The following CRACD variants were observed in gnomAD, a reference collection of about 807,000 sequenced individuals.
The protein encoded by CRACD is capping protein inhibiting regulator of actin dynamics.
CRACD carries 56 observed loss-of-function variants against 106.8 expected under a neutral mutation model. The ratio of observed to expected loss-of-function variants is 0.52; its 90% CI spans 0.42 to 0.66. CRACD has a LOEUF of 0.66. CRACD is among the 30% of genes least tolerant of loss of function. CRACD has a pLI of 0.00. For missense variants in CRACD, 1,730 were observed against 1,623.2 expected (o/e 1.07, Z -1.13); for synonymous variants, 754 against 670.8 (o/e 1.12, Z -1.92).
Position 56,309,945 on chromosome 4 carries a change from G to A in CRACD, c.286-721G>A, listed in dbSNP as rs191280198. Among the ~76,000 whole-genome samples, 421 of 151,872 alleles carry A rather than the reference G, an allele frequency of 2.8e-3. 4 individuals are homozygous for A. Among genetic ancestry groups the A allele is most frequent in the African/African-American group, 9.7e-3 (401 of 41,420 alleles). The stretch of plus-strand genomic sequence containing the variant: ...CCTGAGTGGCTGAGGCTTGAGCCCA[G>A]GAGTTCTAGGCTACAGTGAGCTGTG... On this transcript the variant is annotated intron_variant, in intron 5 of 10. Coordinates refer to ENST00000682029, the MANE Select transcript of CRACD (RefSeq NM_001393381.1).
chr4:56,179,951 A>G (rs1736743008), intron 2 of CRACD, among the ~76,000 whole-genome samples: 1 of 152,014 alleles, frequency 6.6e-6, no homozygotes, highest in South Asian at 2.1e-4. Flanking sequence ...CAGGAGGCAG[A>G]AGTTGCAGTG....
chr4:56,204,583 A>C (rs1056179802), intron 2 of CRACD, among the ~76,000 whole-genome samples: 2 of 152,252 alleles, frequency 1.3e-5, no homozygotes, highest in African/African-American at 4.8e-5. Flanking sequence ...CCCACCTCTT[A>C]ATGCCATCAC....
chr4:56,232,860 G>T (rs1004004695), intron 2 of CRACD, among the ~76,000 whole-genome samples: 1 of 151,956 alleles, frequency 6.6e-6, no homozygotes, highest in Non-Finnish European at 1.5e-5. Flanking sequence ...AAGTAGTTGG[G>T]ATTACAGGTG....
At chr4:56,268,652 C>G (rs187439254) in intron 2 of CRACD, among the ~76,000 whole-genome samples, 2 of 152,268 alleles carry the variant, frequency 1.3e-5, no homozygotes, top group Non-Finnish European at 2.9e-5. Flanking sequence ...ATATTTTCAG[C>G]CTTGGACAGT....
chr4:56,188,684 T>TCACACACACACA (rs755350704), intron 2 of CRACD, among the ~76,000 whole-genome samples: 1 of 99,812 alleles, frequency 1.0e-5, no homozygotes, highest in African/African-American at 5.0e-5. Flanking sequence ...TCTCTCTCTC[T>TCACACACACACA]CTCACACACA....
At chr4:56,217,382 T>C (rs1409335149) in intron 2 of CRACD, among the ~76,000 whole-genome samples, 6 of 138,174 alleles carry the variant, frequency 4.3e-5, no homozygotes, top group African/African-American at 1.6e-4. Context: ...ACATAAGATA[T>C]CAATCAATAC....
At position 56,188,622 on chromosome 4, in the gene CRACD, C is replaced by CCTCTCTCT. The variant is rs140815351; in HGVS notation, c.-189+9211_-189+9218dup. Among the ~76,000 whole-genome samples the CCTCTCTCT allele has an allele frequency of 4.5e-3, 542 of 121,476 alleles. 7 individuals carry two copies. Among genetic ancestry groups the CCTCTCTCT allele is most frequent in the African/African-American group, 0.015 (423 of 27,944 alleles). The allele number at this position is 121,476 out of a possible 152,430, so 79.7% of individuals were successfully genotyped here. On this transcript the variant is annotated intron_variant, in intron 2 of 10. Coordinates refer to ENST00000682029, the MANE Select transcript of CRACD (RefSeq NM_001393381.1). The stretch of plus-strand genomic sequence containing the variant: ...CAGCAGCTCATTTGTATCTGTCTAG[C>CCTCTCTCT]CTCTCTCTCTCTCTCTCTCTCTCTC...
intron 1 of CRACD, among the ~76,000 whole-genome samples, chr4:56,055,126 G>A (rs911973498): frequency 1.3e-5 from 2 of 152,094 alleles, no homozygotes; most frequent in African/African-American, 2.4e-5. Flanking sequence ...ATTAGAAAAA[G>A]GAAGGACAAG....
chr4:56,100,263 G>C (rs766194579), intron 1 of CRACD, among the ~76,000 whole-genome samples: 11 of 152,070 alleles, frequency 7.2e-5, no homozygotes, highest in Non-Finnish European at 1.2e-4. Context: ...GGGGGAAGGG[G>C]TGGAAAGACA....
chr4:56,151,197 A>T (rs1195756357), intron 1 of CRACD, among the ~76,000 whole-genome samples: 1 of 152,078 alleles, frequency 6.6e-6, no homozygotes, highest in African/African-American at 2.4e-5. Context: ...GGGTTTTGCC[A>T]TGATGGCCAG....
intron 1 of CRACD, among the ~76,000 whole-genome samples, chr4:56,058,755 AGAT>A (rs1732172664): frequency 6.6e-6 from 1 of 152,190 alleles, no homozygotes; most frequent in Admixed American, 6.5e-5. Flanking sequence ...AGCATCTTAA[AGAT>A]GTTTACTTTA....
At position 56,315,094 on chromosome 4, in the gene CRACD, A is replaced by T; in HGVS notation, c.1592A>T (p.Gln531Leu). ...ELRWQEVDER[Q>L]TMPRPYTFQV... ...CGGTGGCAGGAGGTGGACGAGAGAC[A>T]GACCATGCCCCGGCCCTACACGTTC... Residue 531 changes from glutamine (Q) to leucine (L), a missense_variant, in exon 8 of 11, where the codon CAG becomes CTG. Around this residue, in one of 5 missense-constraint regions of CRACD, gnomAD observed 1,620 missense variants for 1,481.6 expected, o/e 1.09. Transcript: ENST00000682029. This position sits in a 1 kb window ranked among gnomAD's most constrained non-coding sequence, Gnocchi z 4.1. 6.2e-7 allele frequency: 1 copy of T among 1,611,252 alleles called. No individual in the cohort carries two copies.
At chr4:56,232,111 C>T (rs752276075) in intron 2 of CRACD, among the ~76,000 whole-genome samples, 6 of 152,180 alleles carry the variant, frequency 3.9e-5, no homozygotes, top group East Asian at 1.9e-4. Context: ...TGCTCCTTAT[C>T]GCTTCGTGTT....
At chr4:56,049,818 A>T (rs1467255365) in intron 1 of CRACD, 1 of 152,242 alleles carries the variant, frequency 6.6e-6, no homozygotes, top group East Asian at 1.9e-4. Context: ...CACCAGTTTG[A>T]TAGCTGAGGC....
chr4:56,260,028 C>T (rs966755398), intron 2 of CRACD, among the ~76,000 whole-genome samples: 45 of 152,056 alleles, frequency 3.0e-4, no homozygotes, highest in African/African-American at 9.7e-4. Flanking sequence ...CACAAGCAAC[C>T]GAGGTTTTTG....
chr4:56,150,544 C>T (rs2109889545), intron 1 of CRACD, among the ~76,000 whole-genome samples: 1 of 152,268 alleles, frequency 6.6e-6, no homozygotes, highest in African/African-American at 2.4e-5. Context: ...TGCATCTTCC[C>T]AATCATAATT....
rs201200142 is a variant in CRACD at position 56,162,500 on chromosome 4, C to CCTAGCTGG, written c.-335-16783_-335-16776dup. 6.1e-3 allele frequency among the ~76,000 whole-genome samples: 930 copies of CCTAGCTGG among 152,320 alleles called. 9 individuals carry two copies. Among genetic ancestry groups the CCTAGCTGG allele is most frequent in the African/African-American group, 0.02 (824 of 41,568 alleles). On this transcript the variant is annotated intron_variant, in intron 1 of 10. Transcript: ENST00000682029. ...GGGATTATAAGCATGAGCCACCATG[C>CCTAGCTGG]CTAGCTGGGCTTGAATTTTTAAATT...
chr4:56,130,271 A>C lies in CRACD; in HGVS notation c.-335-49013A>C, dbSNP rs561908229. Among the ~76,000 whole-genome samples, 30 of 152,200 alleles carry C rather than the reference A, an allele frequency of 2.0e-4. 1 individual carries two copies. The East Asian group carries it at 5.2e-3, about 26-fold the overall frequency. On this transcript the variant is annotated intron_variant, in intron 1 of 10. Transcript: ENST00000682029. Reference sequence around the variant, plus strand: ...AGAGCAAAACCCTGTCTCAAAAAAAACCCCTAAAAACTGTAACCATAATCT... The same window carrying C: ...AGAGCAAAACCCTGTCTCAAAAAAACCCCCTAAAAACTGTAACCATAATCT...
At chr4:56,301,407 A>G (rs1744359724) in intron 4 of CRACD, among the ~76,000 whole-genome samples, 6 of 152,164 alleles carry the variant, frequency 3.9e-5, no homozygotes, top group Admixed American at 3.9e-4. Context: ...TGTCTGAGGC[A>G]TGTATGTTTT....
Sources: allele counts gnomAD v4.1 joint callset (sites outside exome capture counted in the v4.1 genomes callset), GRCh38; gene constraint gnomAD v4.1.1; regional missense constraint gnomAD v4.1.1; non-coding constraint Gnocchi (gnomAD v3.1); transcripts MANE v1.5; gene names NCBI Gene and HGNC (gene_info 2026-07-23, HGNC 2026-07-21).